The following NPHP1 variants were observed in gnomAD, a reference collection of about 807,000 sequenced individuals.
The protein encoded by NPHP1 is nephrocystin-1.
NPHP1 carries 70 observed loss-of-function variants against 90.4 expected under a neutral mutation model. The observed-to-expected ratio is 0.77, with a 90% CI of 0.64 to 0.95. NPHP1 has a LOEUF of 0.95. Among genes scored for constraint, NPHP1 ranks in the 40% least tolerant of loss-of-function variants. The pLI, the probability that NPHP1 is intolerant of heterozygous loss-of-function variation, is 0.00. For synonymous variants in NPHP1, 256 were observed against 271.7 expected (o/e 0.94, Z 0.57); for missense variants, 764 against 795.9 (o/e 0.96, Z 0.48).
chr2:110,184,102 A>G, intron 2 of NPHP1: 1 of 543,290 alleles, frequency 1.8e-6, no homozygotes, highest in Non-Finnish European at 3.7e-6. Flanking sequence ...ATGATCGACA[A>G]TGAATCTGGT....
intron 16 of NPHP1, among the ~76,000 whole-genome samples, chr2:110,139,480 C>T (rs1309046871): frequency 6.6e-6 from 1 of 152,176 alleles, no homozygotes; most frequent in Non-Finnish European, 1.5e-5. Flanking sequence ...CAAAAGAAGA[C>T]TGCCAAGCCC....
intron 16 of NPHP1, among the ~76,000 whole-genome samples, chr2:110,136,675 G>C (rs2104454859): frequency 6.6e-6 from 1 of 152,188 alleles, no homozygotes; most frequent in South Asian, 2.1e-4. Context: ...AATAAAAGAG[G>C]ATACAAACAA....
intron 4 of NPHP1, among the ~76,000 whole-genome samples, chr2:110,171,203 C>T (rs751188129): frequency 3.3e-5 from 5 of 152,202 alleles, no homozygotes; most frequent in Non-Finnish European, 7.4e-5. Context: ...AGCTTGGGCA[C>T]GTCACTAAAT....
At chr2:110,149,871 T>A (rs185491159) in intron 12 of NPHP1, among the ~76,000 whole-genome samples, 6 of 152,274 alleles carry the variant, frequency 3.9e-5, no homozygotes, top group Admixed American at 3.9e-4. Flanking sequence ...AAGCACAGCT[T>A]TTATTAGCAC....
intron 4 of NPHP1, among the ~76,000 whole-genome samples, chr2:110,170,870 C>T (rs996576681): frequency 6.6e-6 from 1 of 152,042 alleles, no homozygotes; most frequent in Non-Finnish European, 1.5e-5. Flanking sequence ...TAGGAAACAT[C>T]AAGTAGCTCA....
intron 2 of NPHP1, chr2:110,185,183 G>C: frequency 1.8e-6 from 1 of 551,494 alleles, no homozygotes; most frequent in South Asian, 1.4e-5. Flanking sequence ...ACCTTCTAAT[G>C]TTGGGATATC....
At chr2:110,166,044 T>C (rs1000723336) in intron 6 of NPHP1, among the ~76,000 whole-genome samples, 4 of 152,210 alleles carry the variant, frequency 2.6e-5, no homozygotes, top group African/African-American at 9.6e-5. Context: ...ATTAAACCAC[T>C]AATGACACTT....
At chr2:110,144,412 C>T (rs1680864771) in intron 15 of NPHP1, 81 bp downstream of exon 15, 2 of 886,468 alleles carry the variant, frequency 2.3e-6, no homozygotes, top group Non-Finnish European at 3.8e-6. Flanking sequence ...AAACGCTATG[C>T]TTATTAGAAT....
At chr2:110,125,098 A>C (rs984179747) in intron 19 of NPHP1, 31 of 1,197,936 alleles carry the variant, frequency 2.6e-5, no homozygotes, top group Non-Finnish European at 3.3e-5. Flanking sequence ...TGTGACAGAG[A>C]CCACAAGACC....
At chr2:110,179,720 T>C in intron 2 of NPHP1, 36 bp from the exon 3 acceptor site, 1 of 955,142 alleles carries the variant, frequency 1.0e-6, no homozygotes. Context: ...TATTGATTTT[T>C]CTATTATCAG....
rs113769216 is a variant in NPHP1 at position 110,178,319 on chromosome 2, T to A, written c.329+104A>T. 5.5e-6 allele frequency: 6 copies of A among 1,093,988 alleles called. No homozygotes were observed. In the African/African-American group the frequency reaches 9.3e-5, roughly 17 times the overall value. The allele number at this position is 1,093,988 out of a possible 1,614,324, so 67.8% of individuals were successfully genotyped here. On this transcript the variant is annotated intron_variant, in intron 4 of 19. Transcript: ENST00000445609. Reference sequence around the variant, plus strand: ...ATGTTGACTGATTCTATTGTTAGTGTCATTTGTTTATATCTATACTGCTAT... The same window carrying A: ...ATGTTGACTGATTCTATTGTTAGTGACATTTGTTTATATCTATACTGCTAT...
intron 2 of NPHP1, among the ~76,000 whole-genome samples, chr2:110,186,428 T>C (rs576535183): frequency 6.6e-6 from 1 of 152,268 alleles, no homozygotes; most frequent in South Asian, 2.1e-4. Context: ...TGGGCCACTC[T>C]TGACCTTGGA....
chr2:110,132,097 G>GGGGACTA (rs1679829703), intron 16 of NPHP1, among the ~76,000 whole-genome samples: 1 of 152,166 alleles, frequency 6.6e-6, no homozygotes, highest in South Asian at 2.1e-4. Context: ...TTGGAAAGAA[G>GGGGACTA]GGGACTAGTC....
intron 12 of NPHP1, among the ~76,000 whole-genome samples, chr2:110,148,513 A>G (rs1217100573): frequency 6.6e-6 from 1 of 152,180 alleles, no homozygotes; most frequent in Non-Finnish European, 1.5e-5. Context: ...GTTAGTAAAT[A>G]GTTTATGCCT....
chr2:110,169,224 A>G (rs1337560517), intron 5 of NPHP1, among the ~76,000 whole-genome samples: 2 of 152,160 alleles, frequency 1.3e-5, no homozygotes, highest in Non-Finnish European at 2.9e-5. Context: ...TTTGCATAAT[A>G]TTCTTATGTA....
chr2:110,125,364 A>G (rs1403386894), intron 19 of NPHP1: 1 of 1,501,776 alleles, frequency 6.7e-7, no homozygotes, highest in Admixed American at 2.3e-5. Flanking sequence ...TTGATACACA[A>G]CTGAGAGACT....
At chr2:110,166,482 C>T (rs1682737789) in intron 6 of NPHP1, among the ~76,000 whole-genome samples, 1 of 152,112 alleles carries the variant, frequency 6.6e-6, no homozygotes, top group African/African-American at 2.4e-5. Flanking sequence ...TGTGTAACTT[C>T]CAAGAAACCT....
chr2:110,179,691 T>A lies in NPHP1; in HGVS notation c.144-7A>T, dbSNP rs1433476747. ...CTGCTTTAACTGGATACATCTAAAT[T>A]AAGAAAAAAAAGAAAATATATTGAT... On this transcript the variant is annotated splice_region_variant and splice_polypyrimidine_tract_variant and intron_variant, in intron 2 of 19. Transcript: ENST00000445609. 2 of 1,199,774 alleles carry A rather than the reference T, an allele frequency of 1.7e-6. No homozygotes were observed. Among genetic ancestry groups the A allele is most frequent in the Admixed American group, 1.8e-5 (1 of 55,216 alleles). The allele number at this position is 1,199,774 out of a possible 1,614,324, so 74.3% of individuals were successfully genotyped here.
intron 16 of NPHP1, among the ~76,000 whole-genome samples, chr2:110,138,779 G>A (rs760828660): frequency 6.6e-6 from 1 of 152,132 alleles, no homozygotes; most frequent in Non-Finnish European, 1.5e-5. Flanking sequence ...AGGGAAAGGG[G>A]TGGGAACTTC....
Sources: allele counts gnomAD v4.1 joint callset (sites outside exome capture counted in the v4.1 genomes callset), GRCh38; gene constraint gnomAD v4.1.1; transcripts MANE v1.5; gene names NCBI Gene and HGNC (gene_info 2026-07-23, HGNC 2026-07-21).